RPS6KC1: variants seen among roughly 807,000 people sequenced by gnomAD.
RPS6KC1 encodes the protein inactive ribosomal protein S6 kinase delta-1.
In RPS6KC1, 54 loss-of-function variants were observed where a neutral mutation model predicts 103.8. The observed-to-expected ratio is 0.52, with a 90% CI of 0.42 to 0.65. The LOEUF is 0.65. Ranked by LOEUF, RPS6KC1 falls within the 30% of genes least tolerant of loss-of-function variation. The probability of loss-of-function intolerance (pLI) is 0.00; values close to 1 mark genes in which losing one functional copy is unlikely to be tolerated. For synonymous variants in RPS6KC1, 439 were observed against 438.7 expected, an observed-to-expected ratio of 1.00 and a Z score of -0.01; for missense variants, 1,151 against 1,253.8, an observed-to-expected ratio of 0.92 and a Z score of 1.24.
the RPS6KC1 span, among the ~76,000 whole-genome samples, chr1:213,571,882 T>C: frequency 7.2e-5 from 11 of 152,208 alleles, no homozygotes; most frequent in African/African-American, 2.7e-4. Context: ...TTGGATTCAG[T>C]AGGTCCGGAG....
At chr1:213,078,402 T>C (rs1247973300) in intron 3 of RPS6KC1, among the ~76,000 whole-genome samples, 1 of 152,172 alleles carries the variant, frequency 6.6e-6, no homozygotes, top group African/African-American at 2.4e-5. Flanking sequence ...AATGTTCTTA[T>C]ATGGACAGAA....
In RPS6KC1 at chr1:213,171,326, C is replaced by T. The variant is rs190413409; in HGVS notation, c.951+3353C>T. 2.5e-3 allele frequency among the ~76,000 whole-genome samples: 376 copies of T among 150,496 alleles called. 2 individuals are homozygous for T. Among genetic ancestry groups the T allele is most frequent in the African/African-American group, 8.7e-3 (358 of 41,116 alleles). On this transcript the variant is annotated intron_variant, in intron 7 of 14. Transcript: ENST00000366960. ...GTTTTTTTTAAAGTAAAGGTTGAATCTTAACTGAAGGAGACAGATTTCTTT... is the reference window on the plus strand; with the variant it reads ...GTTTTTTTTAAAGTAAAGGTTGAATTTTAACTGAAGGAGACAGATTTCTTT...
chr1:213,728,936 G>GT, the RPS6KC1 span, among the ~76,000 whole-genome samples: 1 of 63,226 alleles, frequency 1.6e-5, no homozygotes, highest in Non-Finnish European at 2.7e-5. Flanking sequence ...AGAACATGAG[G>GT]GTTTTTTTTT....
At chr1:213,119,457 T>TGAGAGTATGC (rs1302131938) in intron 5 of RPS6KC1, among the ~76,000 whole-genome samples, 1 of 6,026 alleles carries the variant, frequency 1.7e-4, no homozygotes, top group Non-Finnish European at 4.8e-4. Context: ...TATATATATA[T>TGAGAGTATGC]ATATATATAT....
the RPS6KC1 span, among the ~76,000 whole-genome samples, chr1:213,440,957 A>C: frequency 6.6e-6 from 1 of 152,322 alleles, no homozygotes; most frequent in East Asian, 1.9e-4. Flanking sequence ...GACTGGATGC[A>C]TGTGAAAACT....
chr1:213,769,979 C>G, the RPS6KC1 span, among the ~76,000 whole-genome samples: 1 of 152,136 alleles, frequency 6.6e-6, no homozygotes, highest in Non-Finnish European at 1.5e-5. Flanking sequence ...TGTGGCCTTG[C>G]AGATGAGTCT....
intron 3 of RPS6KC1, among the ~76,000 whole-genome samples, chr1:213,093,829 A>G (rs1399381753): frequency 1.3e-5 from 2 of 152,118 alleles, no homozygotes; most frequent in Non-Finnish European, 2.9e-5. Context: ...AGTGTTAGCT[A>G]TTATCTGTTA....
chr1:213,368,998 G>T, the RPS6KC1 span, among the ~76,000 whole-genome samples: 3 of 151,682 alleles, frequency 2.0e-5, no homozygotes, highest in Non-Finnish European at 4.4e-5. Flanking sequence ...TTCCACAGTT[G>T]CGTACTGTCT....
the RPS6KC1 span, chr1:213,818,064 G>A: frequency 2.7e-4 from 41 of 152,130 alleles, no homozygotes; most frequent in African/African-American, 9.2e-4. Flanking sequence ...ATAAATAAAC[G>A]TGTGTGTTCT....
the RPS6KC1 span, among the ~76,000 whole-genome samples, chr1:213,365,210 T>C: frequency 1.3e-5 from 2 of 152,198 alleles, no homozygotes; most frequent in Non-Finnish European, 2.9e-5. Flanking sequence ...ACATCAAACC[T>C]TTGTATTTAT....
chr1:213,506,610 A>G, the RPS6KC1 span, among the ~76,000 whole-genome samples: 1 of 152,364 alleles, frequency 6.6e-6, no homozygotes, highest in African/African-American at 2.4e-5. Context: ...GAGTGAGAAT[A>G]TAAACGCCTC....
At chr1:213,216,033 A>T (rs1208060274) in intron 8 of RPS6KC1, among the ~76,000 whole-genome samples, 1 of 152,236 alleles carries the variant, frequency 6.6e-6, no homozygotes, top group Non-Finnish European at 1.5e-5. Flanking sequence ...TGACAATATT[A>T]ACCTTAAATG....
chr1:213,477,552 T>G, the RPS6KC1 span, among the ~76,000 whole-genome samples: 1 of 152,236 alleles, frequency 6.6e-6, no homozygotes, highest in African/African-American at 2.4e-5. Flanking sequence ...AATCTTTGTT[T>G]TTTAAAATTT....
chr1:213,520,601 C>T, the RPS6KC1 span, among the ~76,000 whole-genome samples: 1 of 152,216 alleles, frequency 6.6e-6, no homozygotes, highest in East Asian at 1.9e-4. Context: ...TTCCCTTCCC[C>T]TCCCTCGTTT....
At chr1:213,204,315 T>C (rs2093270122) in intron 8 of RPS6KC1, among the ~76,000 whole-genome samples, 1 of 152,224 alleles carries the variant, frequency 6.6e-6, no homozygotes, top group Admixed American at 6.5e-5. Flanking sequence ...TACATCCAAG[T>C]ATATGTATAA....
chr1:213,496,090 A>G, the RPS6KC1 span, among the ~76,000 whole-genome samples: 1 of 152,342 alleles, frequency 6.6e-6, no homozygotes, highest in African/African-American at 2.4e-5. Context: ...CACTGTTGAA[A>G]AAAACATAAA....
At chr1:213,636,275 G>T in the RPS6KC1 span, among the ~76,000 whole-genome samples, 2 of 152,044 alleles carry the variant, frequency 1.3e-5, no homozygotes, top group African/African-American at 4.8e-5. Flanking sequence ...CTACTTTAAA[G>T]TTCATATGGA....
At chr1:213,503,640 T>C in the RPS6KC1 span, among the ~76,000 whole-genome samples, 11 of 152,240 alleles carry the variant, frequency 7.2e-5, no homozygotes, top group Non-Finnish European at 1.2e-4. Context: ...CCTCATTCTA[T>C]TTCTATATCT....
chr1:213,703,287 A>G, the RPS6KC1 span, among the ~76,000 whole-genome samples: 1 of 152,154 alleles, frequency 6.6e-6, no homozygotes, highest in African/African-American at 2.4e-5. Flanking sequence ...GTTTCTACTT[A>G]TATCTTATTG....
Sources: allele counts gnomAD v4.1 joint callset (sites outside exome capture counted in the v4.1 genomes callset), GRCh38; gene constraint gnomAD v4.1.1; transcripts MANE v1.5; gene names NCBI Gene and HGNC (gene_info 2026-07-23, HGNC 2026-07-21).